Variants in KCND2 observed in about 807,000 individuals in gnomAD.
KCND2 encodes the protein A-type voltage-gated potassium channel KCND2.
Under a neutral mutation model 54.4 loss-of-function variants are expected in KCND2, and 16 were observed. The observed-to-expected ratio is 0.29, with a 90% CI of 0.20 to 0.45. The LOEUF (loss-of-function observed/expected upper bound fraction) is 0.45. KCND2 is among the 20% of genes least tolerant of loss of function. The pLI, the probability that KCND2 is intolerant of heterozygous loss-of-function variation, is 1.00. For synonymous variants in KCND2, 317 were observed against 310.7 expected (o/e 1.02, Z -0.21); for missense variants, 486 against 824.2 (o/e 0.59, Z 5.02).
intron 1 of KCND2, among the ~76,000 whole-genome samples, chr7:120,698,055 C>T (rs1390658983): frequency 3.6e-5 from 3 of 82,222 alleles, no homozygotes; most frequent in Non-Finnish European, 7.3e-5. Context: ...TGGCTTGTTG[C>T]CCAGGCTGGA....
chr7:120,591,437 C>T (rs1359170178), intron 1 of KCND2, among the ~76,000 whole-genome samples: 2 of 152,110 alleles, frequency 1.3e-5, no homozygotes, highest in African/African-American at 2.4e-5. Context: ...TTATCCTCTC[C>T]GTGGCTAGAA....
At chr7:120,540,800 G>T (rs577672733) in intron 1 of KCND2, among the ~76,000 whole-genome samples, 1 of 151,872 alleles carries the variant, frequency 6.6e-6, no homozygotes, top group African/African-American at 2.4e-5. Flanking sequence ...TCTTTGAATA[G>T]GATTCACTCT....
At chr7:120,415,356 C>G (rs549486423) in intron 1 of KCND2, among the ~76,000 whole-genome samples, 2 of 152,188 alleles carry the variant, frequency 1.3e-5, no homozygotes, top group African/African-American at 4.8e-5. Context: ...TTACAGGGAG[C>G]TCTTCAAAGC....
chr7:120,536,771 T>C (rs1470415207), intron 1 of KCND2, among the ~76,000 whole-genome samples: 1 of 152,332 alleles, frequency 6.6e-6, no homozygotes, highest in East Asian at 1.9e-4. Flanking sequence ...TTGGTGTTCA[T>C]GATACATCTA....
chr7:120,511,891 T>C (rs1803121297), intron 1 of KCND2, among the ~76,000 whole-genome samples: 1 of 152,136 alleles, frequency 6.6e-6, no homozygotes, highest in Admixed American at 6.6e-5. Flanking sequence ...ACTTGTATTA[T>C]ATCAAAATAG....
At chr7:120,309,108 G>T (rs781585010) in intron 1 of KCND2, among the ~76,000 whole-genome samples, 1 of 152,114 alleles carries the variant, frequency 6.6e-6, no homozygotes, top group Admixed American at 6.6e-5. Flanking sequence ...GACACCAAAG[G>T]CTCAATAAGT....
chr7:120,441,390 C>A (rs574390703), intron 1 of KCND2, among the ~76,000 whole-genome samples: 3 of 151,958 alleles, frequency 2.0e-5, no homozygotes, highest in Non-Finnish European at 4.4e-5. Flanking sequence ...TTTGTGGCAG[C>A]AACAAATGGA....
At chr7:120,634,323 T>C (rs1793277081) in intron 1 of KCND2, among the ~76,000 whole-genome samples, 1 of 152,186 alleles carries the variant, frequency 6.6e-6, no homozygotes, top group Non-Finnish European at 1.5e-5. Flanking sequence ...AAATTTTACA[T>C]AATGATTGGG....
intron 1 of KCND2, among the ~76,000 whole-genome samples, chr7:120,451,920 A>G (rs751425864): frequency 1.3e-5 from 2 of 152,232 alleles, no homozygotes; most frequent in Non-Finnish European, 2.9e-5. Flanking sequence ...TCAAGAGTCA[A>G]CTTTAGCACT....
chr7:120,579,655 T>C (rs970564555), intron 1 of KCND2, among the ~76,000 whole-genome samples: 2 of 149,988 alleles, frequency 1.3e-5, no homozygotes, highest in African/African-American at 2.4e-5. Context: ...TAAAATAAAA[T>C]AAATAAAAAT....
intron 1 of KCND2, among the ~76,000 whole-genome samples, chr7:120,629,143 G>A (rs1407285081): frequency 6.6e-6 from 1 of 152,204 alleles, no homozygotes; most frequent in Non-Finnish European, 1.5e-5. Context: ...CAAAGCAGGA[G>A]AAACAAGTTG....
intron 1 of KCND2, among the ~76,000 whole-genome samples, chr7:120,399,789 G>A (rs910676490): frequency 1.9e-4 from 29 of 149,482 alleles, no homozygotes; most frequent in African/African-American, 7.2e-4. Context: ...GCAGTGGTGT[G>A]ATCTCGGCTC....
chr7:120,442,564 G>A (rs1480770227), intron 1 of KCND2, among the ~76,000 whole-genome samples: 1 of 151,940 alleles, frequency 6.6e-6, no homozygotes, highest in Non-Finnish European at 1.5e-5. Flanking sequence ...TATATTTGAA[G>A]CAATATATAA....
In KCND2 at chr7:120,536,367, C is replaced by T. The variant is rs187762322; in HGVS notation, c.1116-196536C>T. Among the ~76,000 whole-genome samples the T allele has an allele frequency of 2.8e-3, 429 of 151,820 alleles. 2 individuals carry two copies. Among genetic ancestry groups the T allele is most frequent in the African/African-American group, 9.6e-3 (399 of 41,356 alleles). On this transcript the variant is annotated intron_variant, in intron 1 of 5. Transcript: ENST00000331113. ...TGCTGACTGATCACGGTGGTGTTCCCGAAGGTTCAGTGGCTGTGGCAATTT... is the reference window on the plus strand; with the variant it reads ...TGCTGACTGATCACGGTGGTGTTCCTGAAGGTTCAGTGGCTGTGGCAATTT...
chr7:120,699,005 G>A (rs1350459187), intron 1 of KCND2, among the ~76,000 whole-genome samples: 2 of 152,304 alleles, frequency 1.3e-5, no homozygotes, highest in East Asian at 1.9e-4. Context: ...AATCAGCCGG[G>A]CACGGTGGCT....
At chr7:120,656,703 T>G (rs1350042356) in intron 1 of KCND2, among the ~76,000 whole-genome samples, 2 of 152,246 alleles carry the variant, frequency 1.3e-5, no homozygotes, top group Non-Finnish European at 2.9e-5. Context: ...TTGTGTCATA[T>G]GCAGACTAAT....
chr7:120,745,087 T>A (rs1024689896), intron 4 of KCND2, among the ~76,000 whole-genome samples: 2 of 152,126 alleles, frequency 1.3e-5, no homozygotes, highest in African/African-American at 4.8e-5. Context: ...GTACAGCCAG[T>A]GATGCCAGTG....
At chr7:120,523,704 C>CTGTGTGTGTG (rs199762798) in intron 1 of KCND2, among the ~76,000 whole-genome samples, 2 of 137,228 alleles carry the variant, frequency 1.5e-5, no homozygotes, top group Non-Finnish European at 3.2e-5. Context: ...CACACACACT[C>CTGTGTGTGTG]TGTGTGTGTG....
chr7:120,488,864 T>C (rs1447998059), intron 1 of KCND2, among the ~76,000 whole-genome samples: 1 of 152,106 alleles, frequency 6.6e-6, no homozygotes, highest in Non-Finnish European at 1.5e-5. Flanking sequence ...GCCTACTAGT[T>C]AAACTACATT....
Sources: gnomAD v4.1 joint callset for allele counts (sites outside exome capture counted in the v4.1 genomes callset) on GRCh38, gnomAD v4.1.1 for gene constraint, MANE v1.5 for transcripts, NCBI Gene and HGNC (gene_info 2026-07-23, HGNC 2026-07-21) for gene names.